Variants in NUDCD1 observed in about 807,000 individuals in gnomAD.
NUDCD1 encodes nudC domain-containing protein 1.
In NUDCD1, 60 loss-of-function variants were observed where a neutral mutation model predicts 67.8. The observed-to-expected ratio is 0.88, with a 90% confidence interval of 0.72 to 1.10. NUDCD1 has a LOEUF of 1.10. Among genes scored for constraint, NUDCD1 ranks in the 50% least tolerant of loss-of-function variants. The pLI, the probability that NUDCD1 is intolerant of heterozygous loss-of-function variation, is 0.00. For synonymous variants in NUDCD1, 244 were observed against 230.8 expected, an observed-to-expected ratio of 1.06 and a Z score of -0.52; for missense variants, 643 against 695.0, an observed-to-expected ratio of 0.93 and a Z score of 0.84.
chr8:109,328,311 C>T (rs1815724375), intron 1 of NUDCD1, among the ~76,000 whole-genome samples: 1 of 152,130 alleles, frequency 6.6e-6, no homozygotes, highest in South Asian at 2.1e-4. Flanking sequence ...AGCTTTTCTT[C>T]CCCCTTCTCT....
At chr8:109,263,475 C>T (rs144607978) in intron 8 of NUDCD1, among the ~76,000 whole-genome samples, 6 of 152,320 alleles carry the variant, frequency 3.9e-5, no homozygotes, top group Non-Finnish European at 8.8e-5. Flanking sequence ...AATGCTTATG[C>T]TGTTTACTGT....
chr8:109,262,351 T>A (rs1813880051), intron 8 of NUDCD1, among the ~76,000 whole-genome samples: 1 of 152,182 alleles, frequency 6.6e-6, no homozygotes. Context: ...GGTCACCTAT[T>A]GTGTTCTCAG....
intron 6 of NUDCD1, among the ~76,000 whole-genome samples, chr8:109,275,729 C>T (rs2129967155): frequency 6.6e-6 from 1 of 152,214 alleles, no homozygotes; most frequent in East Asian, 1.9e-4. Flanking sequence ...AATGGTACAT[C>T]AAATGGCCTG....
At chr8:109,274,305 G>C (rs1168917512) in intron 7 of NUDCD1, among the ~76,000 whole-genome samples, 3 of 152,080 alleles carry the variant, frequency 2.0e-5, no homozygotes, top group Non-Finnish European at 2.9e-5. Flanking sequence ...CTGGTGTTCA[G>C]GCATAAATAA....
chr8:109,292,569 A>G (rs1257717700), intron 4 of NUDCD1, among the ~76,000 whole-genome samples: 3 of 152,282 alleles, frequency 2.0e-5, no homozygotes, highest in Middle Eastern at 6.8e-3. Context: ...ATTTATATTA[A>G]CTTACTCATA....
At chr8:109,253,253 G>A (rs1813660725) in intron 8 of NUDCD1, among the ~76,000 whole-genome samples, 1 of 152,206 alleles carries the variant, frequency 6.6e-6, no homozygotes, top group Non-Finnish European at 1.5e-5. Context: ...AAGAGAGGCA[G>A]AAGACATAGC....
intron 1 of NUDCD1, among the ~76,000 whole-genome samples, chr8:109,330,799 A>C (rs1446581510): frequency 2.0e-5 from 3 of 152,188 alleles, no homozygotes; most frequent in Admixed American, 6.5e-5. Flanking sequence ...AGAACACAAA[A>C]CACCACATGT....
At position 109,322,655 on chromosome 8, in the gene NUDCD1, C is replaced by T. The variant is rs182571608; in HGVS notation, c.119-192G>A. Among the ~76,000 whole-genome samples the T allele has an allele frequency of 1.0e-3, 153 of 152,116 alleles. 1 individual carries two copies. Among genetic ancestry groups the T allele is most frequent in the Non-Finnish European group, 1.0e-4 (7 of 67,950 alleles). ...TACAGAGGATAAACAGTAAGTAAAA[C>T]TGATATGGTCCCACGTCCTTACAAG... is the stretch of plus-strand genomic sequence containing the variant. On this transcript the variant is annotated intron_variant, in intron 1 of 9. Transcript: ENST00000239690.
intron 7 of NUDCD1, among the ~76,000 whole-genome samples, chr8:109,271,631 G>GA (rs1226282973): frequency 6.6e-6 from 1 of 151,922 alleles, no homozygotes. Context: ...GAAGAATGGG[G>GA]AAAAAAATTG....
Position 109,242,717 on chromosome 8 carries a change from C to A in NUDCD1, c.*292G>T, listed in dbSNP as rs763151904. The A allele has an allele frequency of 9.1e-5, 19 of 207,894 alleles. No homozygotes were observed. Among genetic ancestry groups the A allele is most frequent in the African/African-American group, 3.7e-4 (16 of 43,218 alleles). The allele number at this position is 207,894 out of a possible 1,614,324, so 12.9% of individuals were successfully genotyped here. A position where few individuals can be genotyped will look rare whatever the true frequency, so the allele number is the denominator to read the frequency against. Reference sequence around the variant, plus strand: ...TATTTTTAAACACTGAATTGTACATCTTTCATATAAAACATGAGATTCTAG... The same window carrying A: ...TATTTTTAAACACTGAATTGTACATATTTCATATAAAACATGAGATTCTAG... On this transcript the variant is annotated 3_prime_UTR_variant, in exon 10 of 10. Transcript: ENST00000239690.
Position 109,316,879 on chromosome 8 carries a change from A to G in NUDCD1, c.273+5430T>C, listed in dbSNP as rs576599717. Among the ~76,000 whole-genome samples, 155 of 152,326 alleles carry G rather than the reference A, an allele frequency of 1.0e-3. 3 individuals carry two copies. Among genetic ancestry groups the G allele is most frequent in the Non-Finnish European group, 4.0e-4 (27 of 68,022 alleles). On this transcript the variant is annotated intron_variant, in intron 2 of 9. Coordinates refer to ENST00000239690, the MANE Select transcript of NUDCD1 (RefSeq NM_032869.4). ...AGTTTTTGTTTTGATCAATTACTCC[A>G]CAATTATTCCAAGGTACAATATGGT...
At chr8:109,312,255 C>G (rs370270694) in intron 2 of NUDCD1, among the ~76,000 whole-genome samples, 3 of 138,474 alleles carry the variant, frequency 2.2e-5, no homozygotes. Context: ...GAGCTGAAAT[C>G]GCACCACTGC....
chr8:109,272,467 T>A lies in NUDCD1; in HGVS notation c.1174-1337A>T, dbSNP rs78371264. Among the ~76,000 whole-genome samples the A allele has an allele frequency of 8.5e-4, 130 of 152,104 alleles. 1 individual carries two copies. In the East Asian group the frequency reaches 0.024, roughly 28 times the overall value. ...GTAGACATAAATAAATTCATAAAATTCATAAATTCATAAAAGCAATTTTTA... is the reference window on the plus strand; with the variant it reads ...GTAGACATAAATAAATTCATAAAATACATAAATTCATAAAAGCAATTTTTA... On this transcript the variant is annotated intron_variant, in intron 7 of 9. Coordinates refer to ENST00000239690, the MANE Select transcript of NUDCD1 (RefSeq NM_032869.4).
At chr8:109,289,226 A>C (rs542803442) in intron 5 of NUDCD1, among the ~76,000 whole-genome samples, 21 of 151,930 alleles carry the variant, frequency 1.4e-4, no homozygotes, top group African/African-American at 5.1e-4. Flanking sequence ...CCGCCCACCT[A>C]GGCCTCCCAA....
intron 1 of NUDCD1, chr8:109,329,931 T>C: frequency 6.6e-7 from 1 of 1,514,424 alleles, no homozygotes; most frequent in Non-Finnish European, 8.8e-7. Context: ...GTCTATGAAG[T>C]ACTGGTTACT....
At chr8:109,274,630 C>G (rs1232731806) in intron 7 of NUDCD1, among the ~76,000 whole-genome samples, 1 of 152,162 alleles carries the variant, frequency 6.6e-6, no homozygotes, top group East Asian at 1.9e-4. Context: ...GTGACATTCA[C>G]TTTCAATATT....
intron 8 of NUDCD1, among the ~76,000 whole-genome samples, chr8:109,263,309 T>C (rs1011957306): frequency 6.6e-6 from 1 of 152,106 alleles, no homozygotes; most frequent in Non-Finnish European, 1.5e-5. Flanking sequence ...AACAAGCAGT[T>C]AGACATGCTA....
intron 8 of NUDCD1, among the ~76,000 whole-genome samples, chr8:109,261,001 A>G (rs773931929): frequency 3.3e-5 from 5 of 152,254 alleles, no homozygotes; most frequent in Non-Finnish European, 7.3e-5. Flanking sequence ...GGTGACAGGT[A>G]ACTTCTGCAA....
At chr8:109,327,913 ATT>A (rs759855107) in intron 1 of NUDCD1, among the ~76,000 whole-genome samples, 9 of 152,100 alleles carry the variant, frequency 5.9e-5, no homozygotes, top group Non-Finnish European at 1.2e-4. Flanking sequence ...TTATACATCC[ATT>A]TTCTCACTAT....
Sources: allele counts gnomAD v4.1 joint callset (sites outside exome capture counted in the v4.1 genomes callset), GRCh38; gene constraint gnomAD v4.1.1; transcripts MANE v1.5; gene names NCBI Gene and HGNC (gene_info 2026-07-23, HGNC 2026-07-21).